GXYLT2: variants seen among roughly 807,000 people sequenced by gnomAD.
The protein encoded by GXYLT2 is glucoside xylosyltransferase 2.
A neutral mutation model predicts 45.8 loss-of-function variants in GXYLT2; 53 were observed. That is an observed-to-expected ratio of 1.16 (90% CI 0.93 to 1.46). GXYLT2 has a LOEUF of 1.46. Among genes scored for constraint, GXYLT2 ranks in the 40% most tolerant of loss-of-function variants. GXYLT2 has a pLI of 0.00. For synonymous variants in GXYLT2, 219 were observed against 214.2 expected, an observed-to-expected ratio of 1.02 and a Z score of -0.19; for missense variants, 551 against 544.4, an observed-to-expected ratio of 1.01 and a Z score of -0.12.
chr3:72,898,303 C>G (rs551040480), intron 1 of GXYLT2, among the ~76,000 whole-genome samples: 1 of 152,286 alleles, frequency 6.6e-6, no homozygotes, highest in Admixed American at 6.5e-5. Flanking sequence ...GGAAATGAGA[C>G]AGAAATGCCC....
At position 72,974,968 on chromosome 3, in the gene GXYLT2, A is replaced by G. The variant is rs558462117; in HGVS notation, c.1150-9A>G. On this transcript the variant is annotated splice_polypyrimidine_tract_variant and intron_variant, in intron 6 of 6. Transcript: ENST00000389617. ...TTACTAAATAAACTTTTTTTTTGTCATCTTTCAGTTTCCCTTTCAAGACAA... is the reference window on the plus strand; with the variant it reads ...TTACTAAATAAACTTTTTTTTTGTCGTCTTTCAGTTTCCCTTTCAAGACAA... 39 of 1,526,876 alleles carry G rather than the reference A, an allele frequency of 2.6e-5. No individual in the cohort carries two copies. In the South Asian group the frequency reaches 4.3e-4, roughly 17 times the overall value. 94.6% of individuals were successfully genotyped at this position (1,526,876 alleles called of 1,614,324 possible). A position where few individuals can be genotyped will look rare whatever the true frequency, so the allele number is the denominator to read the frequency against.
At chr3:72,920,621 A>G (rs994387442) in intron 2 of GXYLT2, among the ~76,000 whole-genome samples, 1 of 152,082 alleles carries the variant, frequency 6.6e-6, no homozygotes, top group Non-Finnish European at 1.5e-5. Context: ...TATTTTAAAA[A>G]TTTTGTTATA....
intron 1 of GXYLT2, among the ~76,000 whole-genome samples, chr3:72,889,896 G>GTTTTTTTTTTTT (rs369830925): frequency 2.2e-5 from 3 of 135,534 alleles, no homozygotes; most frequent in African/African-American, 8.6e-5. Flanking sequence ...TTTTCTTTTG[G>GTTTTTTTTTTTT]TTTTTTTTTT....
intron 3 of GXYLT2, among the ~76,000 whole-genome samples, chr3:72,939,514 A>G (rs1710258998): frequency 6.6e-6 from 1 of 152,164 alleles, no homozygotes; most frequent in Non-Finnish European, 1.5e-5. Flanking sequence ...TTATTCTCTA[A>G]ACTATCTTAA....
chr3:72,975,506 G>A lies in GXYLT2; in HGVS notation c.*347G>A. ...GCACCTGAGGTGTTATATTGATCTA[G>A]CATTCCTGAGACTCTTTCTATGCAA... On this transcript the variant is annotated 3_prime_UTR_variant, in exon 7 of 7. Coordinates refer to ENST00000389617, the MANE Select transcript of GXYLT2 (RefSeq NM_001080393.2). 5.6e-6 allele frequency: 1 copy of A among 178,476 alleles called. No individual in the cohort carries two copies. The highest frequency in any genetic ancestry group is 1.2e-5 in the Non-Finnish European group (1 of 85,754). The allele number at this position is 178,476 out of a possible 1,614,324, so 11.1% of individuals were successfully genotyped here.
chr3:72,905,348 C>T (rs1709491768), intron 1 of GXYLT2, among the ~76,000 whole-genome samples: 1 of 152,124 alleles, frequency 6.6e-6, no homozygotes, highest in Admixed American at 6.5e-5. Context: ...GAACTCCTGA[C>T]CTCAAGTGGT....
chr3:72,927,138 C>T (rs1709934128), intron 3 of GXYLT2: 1 of 151,968 alleles, frequency 6.6e-6, no homozygotes, highest in African/African-American at 2.4e-5. Flanking sequence ...AGAGTCTCAC[C>T]ATGTTGCCCA....
intron 3 of GXYLT2, among the ~76,000 whole-genome samples, chr3:72,949,699 G>A (rs1575808242): frequency 6.6e-6 from 1 of 151,688 alleles, no homozygotes; most frequent in East Asian, 2.0e-4. Flanking sequence ...ATTTTTAGTA[G>A]AGATGGGGTC....
intron 2 of GXYLT2, among the ~76,000 whole-genome samples, chr3:72,915,619 C>G (rs1251743829): frequency 6.6e-6 from 1 of 151,882 alleles, no homozygotes; most frequent in Admixed American, 6.6e-5. Flanking sequence ...GGCGGATCAC[C>G]TGAGGTTGGG....
chr3:72,929,743 C>G, intron 3 of GXYLT2: 1 of 557,072 alleles, frequency 1.8e-6, no homozygotes. Context: ...CAAAATAAAG[C>G]AGAAAAGAAA....
chr3:72,920,417 C>T (rs1709810942), intron 2 of GXYLT2, among the ~76,000 whole-genome samples: 1 of 152,004 alleles, frequency 6.6e-6, no homozygotes, highest in African/African-American at 2.4e-5. Flanking sequence ...TTACAGGCGT[C>T]AGCCACCACT....
chr3:72,951,609 C>CA, intron 3 of GXYLT2, among the ~76,000 whole-genome samples: 1 of 152,230 alleles, frequency 6.6e-6, no homozygotes, highest in African/African-American at 2.4e-5. Context: ...ATACCAGACT[C>CA]ACGATTCTTA....
chr3:72,891,620 T>A (rs2107054967), intron 1 of GXYLT2, among the ~76,000 whole-genome samples: 1 of 152,332 alleles, frequency 6.6e-6, no homozygotes, highest in Non-Finnish European at 1.5e-5. Flanking sequence ...AATGAAATCT[T>A]CCTTCTATTT....
At chr3:72,929,128 C>G (rs1033857491) in intron 3 of GXYLT2, 3 of 1,588,978 alleles carry the variant, frequency 1.9e-6, no homozygotes, top group Non-Finnish European at 2.6e-6. Flanking sequence ...ACCTGGAGCT[C>G]TACGCCTCCT....
chr3:72,957,153 T>C, intron 4 of GXYLT2, 76 bp from the exon 5 acceptor site: 1 of 1,425,236 alleles, frequency 7.0e-7, no homozygotes, highest in East Asian at 2.4e-5. Context: ...AGAAAACTAG[T>C]CCCTTTACAT....
intron 2 of GXYLT2, among the ~76,000 whole-genome samples, chr3:72,909,580 C>T (rs1709579993): frequency 6.6e-6 from 1 of 152,096 alleles, no homozygotes; most frequent in Non-Finnish European, 1.5e-5. Context: ...TACATTCTTA[C>T]CTCATTCTTT....
intron 3 of GXYLT2, among the ~76,000 whole-genome samples, chr3:72,926,647 T>A (rs987090490): frequency 6.6e-6 from 1 of 152,160 alleles, no homozygotes; most frequent in African/African-American, 2.4e-5. Context: ...TTATAATAGA[T>A]CTGTACATTT....
Position 72,922,270 on chromosome 3 carries a change from G to A in GXYLT2, c.535G>A (p.Val179Ile). ...EHRIYPITFSVGNPQEWKKLF... is the reference protein window; with the variant it reads ...EHRIYPITFSIGNPQEWKKLF... ...CAGAATCTACCCCATCACATTTTCT[G>A]TTGGAAACCCTCAGGAGTGGAAGAA... The change falls in exon 3 of 7, where the codon GTT (valine) becomes ATT (isoleucine). Residue 179 changes from valine to isoleucine, a missense_variant. Transcript: ENST00000389617. 3.1e-6 allele frequency: 5 copies of A among 1,613,792 alleles called. No individual in the cohort carries two copies. Among genetic ancestry groups the A allele is most frequent in the Non-Finnish European group, 4.2e-6 (5 of 1,179,784 alleles).
rs1011556906 is a variant in GXYLT2 at position 72,976,843 on chromosome 3, A to G, written c.*1684A>G. The G allele has an allele frequency of 2.0e-5, 3 of 152,360 alleles. No homozygotes were observed. Among genetic ancestry groups the G allele is most frequent in the East Asian group, 1.9e-4 (1 of 5,194 alleles). The allele number at this position is 152,360 out of a possible 1,614,324, so 9.4% of individuals were successfully genotyped here. The stretch of plus-strand genomic sequence containing the variant: ...GAATATAATTGCTATTCTGTAAGAC[A>G]TACAGTCTGTGTAAGATGTATCTTA... On this transcript the variant is annotated 3_prime_UTR_variant, in exon 7 of 7. Coordinates refer to ENST00000389617, the MANE Select transcript of GXYLT2 (RefSeq NM_001080393.2).
Sources: allele counts gnomAD v4.1 joint callset (sites outside exome capture counted in the v4.1 genomes callset), GRCh38; gene constraint gnomAD v4.1.1; transcripts MANE v1.5; gene names NCBI Gene and HGNC (gene_info 2026-07-23, HGNC 2026-07-21).